Variants in SYNE1 observed in about 807,000 individuals in gnomAD.
SYNE1 encodes the protein nesprin-1.
A neutral mutation model predicts 1,111.0 loss-of-function variants in SYNE1; 616 were observed. The observed-to-expected ratio is 0.55, with a 90% CI of 0.52 to 0.59. The LOEUF (loss-of-function observed/expected upper bound fraction) is 0.59, where lower values mean the gene tolerates loss of function less well. Among genes scored for constraint, SYNE1 ranks in the 20% least tolerant of loss-of-function variants. The probability of loss-of-function intolerance (pLI) is 0.00; values close to 1 mark genes in which losing one functional copy is unlikely to be tolerated. For missense variants in SYNE1, 10,006 were observed against 10,417.0 expected (o/e 0.96, Z 1.72); for synonymous variants, 3,855 against 3,825.8 (o/e 1.01, Z -0.28).
At chr6:152,599,868 C>A (rs2099591993) in intron 3 of SYNE1, among the ~76,000 whole-genome samples, 1 of 152,048 alleles carries the variant, frequency 6.6e-6, no homozygotes, top group Non-Finnish European at 1.5e-5. Context: ...TGCTACAAGT[C>A]AATAGATGAA....
chr6:152,446,219 T>A (rs1171927192), intron 29 of SYNE1, among the ~76,000 whole-genome samples: 1 of 151,758 alleles, frequency 6.6e-6, no homozygotes, highest in Non-Finnish European at 1.5e-5. Flanking sequence ...GTACACTAAC[T>A]TTTTAGAATG....
Position 152,347,283 on chromosome 6 carries a change from T to G in SYNE1, c.11902-48A>C, listed in dbSNP as rs1046569396. The G allele has an allele frequency of 2.5e-6, 4 of 1,600,104 alleles. No homozygotes were observed. In the African/African-American group the frequency reaches 5.3e-5, roughly 21 times the overall value. On this transcript the variant is annotated intron_variant, in intron 72 of 145. Transcript: ENST00000367255. ...GAGTTTTCAGAATTCTACTTTTAAG[T>G]AACTTATCCATCAAAGTTTAAGATA... is the stretch of plus-strand genomic sequence containing the variant.
chr6:152,318,628 G>C (rs191667140), intron 85 of SYNE1, among the ~76,000 whole-genome samples: 1 of 152,126 alleles, frequency 6.6e-6, no homozygotes, highest in African/African-American at 2.4e-5. Context: ...GTCCTTTGAC[G>C]CTCTTCTTTC....
In SYNE1 at chr6:152,430,292, T is replaced by C. The variant is rs2098417050; in HGVS notation, c.4690-82A>G. The C allele has an allele frequency of 3.3e-6, 4 of 1,200,720 alleles. No individual in the cohort carries two copies. In the Admixed American group the frequency reaches 7.9e-5, roughly 24 times the overall value. The allele number at this position is 1,200,720 out of a possible 1,614,324, so 74.4% of individuals were successfully genotyped here. ...AAAAAAAGTTACTGAGAAAATGGCATACCTACCTTTTATGGATAACTTTTA... is the reference window on the plus strand; with the variant it reads ...AAAAAAAGTTACTGAGAAAATGGCACACCTACCTTTTATGGATAACTTTTA... On this transcript the variant is annotated intron_variant, in intron 35 of 145. Coordinates refer to ENST00000367255, the MANE Select transcript of SYNE1 (RefSeq NM_182961.4).
Position 152,268,119 on chromosome 6 carries a change from A to C in SYNE1, c.18752T>G (p.Val6251Gly). The change falls in exon 100 of 146, where the codon GTA becomes GGA. Residue 6251 changes from valine to glycine, a missense_variant. By Grantham distance (109) the Val-to-Gly change is moderately radical. Coordinates refer to ENST00000367255, the MANE Select transcript of SYNE1 (RefSeq NM_182961.4). ...LAEQKSLLRS[V>G]ASRGEEILIQ... ...TAGAATCTCCTCTCCACGACTGGCT[A>C]CTGAGCGAAGGAGACTCTTCTGCTC... is the stretch of plus-strand genomic sequence containing the variant. 6.2e-7 allele frequency: 1 copy of C among 1,614,146 alleles called. No individual in the cohort carries two copies. Among genetic ancestry groups the C allele is most frequent in the Non-Finnish European group, 8.5e-7 (1 of 1,180,000 alleles).
chr6:152,226,824 C>T (rs948438259), intron 115 of SYNE1, among the ~76,000 whole-genome samples: 2 of 152,132 alleles, frequency 1.3e-5, no homozygotes, highest in African/African-American at 4.8e-5. Context: ...TCGGCTGAAC[C>T]TCAGACTGTG....
intron 3 of SYNE1, among the ~76,000 whole-genome samples, chr6:152,558,738 T>C (rs1259384672): frequency 6.6e-6 from 1 of 152,134 alleles, no homozygotes; most frequent in Non-Finnish European, 1.5e-5. Context: ...ATATGATTAA[T>C]AGTAGCAGAT....
chr6:152,417,944 T>G (rs1472590010), intron 40 of SYNE1, among the ~76,000 whole-genome samples: 3 of 152,198 alleles, frequency 2.0e-5, no homozygotes, highest in Admixed American at 6.5e-5. Flanking sequence ...TATGCAAGAC[T>G]TCTGTATAGG....
chr6:152,294,149 T>C (rs374356906), intron 93 of SYNE1, 22 bp from the exon 94 acceptor site: 50 of 1,611,722 alleles, frequency 3.1e-5, no homozygotes, highest in Middle Eastern at 1.9e-4. Context: ...AAGCACAGTA[T>C]TGAATTAAAC....
Position 152,213,053 on chromosome 6 carries a change from T to C in SYNE1, c.22494+559A>G, listed in dbSNP as rs186775884. 1.1e-4 allele frequency among the ~76,000 whole-genome samples: 16 copies of C among 152,302 alleles called. No individual in the cohort carries two copies. The East Asian group carries it at 2.3e-3, about 22-fold the overall frequency. On this transcript the variant is annotated intron_variant, in intron 123 of 145. Coordinates refer to ENST00000367255, the MANE Select transcript of SYNE1 (RefSeq NM_182961.4). Reference sequence around the variant, plus strand: ...TAAATAGCAACATAAGGATTAACAGTGGGCAAATTTATTAATTTACTTTGT... The same window carrying C: ...TAAATAGCAACATAAGGATTAACAGCGGGCAAATTTATTAATTTACTTTGT...
In SYNE1 at chr6:152,465,416, C is replaced by T. The variant is rs747150703; in HGVS notation, c.1774G>A (p.Ala592Thr). 18 of 1,613,508 alleles carry T rather than the reference C, an allele frequency of 1.1e-5. No individual in the cohort carries two copies. The highest frequency in any genetic ancestry group is 4.5e-5 in the East Asian group (2 of 44,862). ...NVMKFMNETTAQWRNLSVEVR... is the reference protein window; with the variant it reads ...NVMKFMNETTTQWRNLSVEVR... ...TCTACTGAGAGATTCCTCCACTGAG[C>T]GGTGGTTTCATTCATGAATTTCATC... Residue 592 changes from alanine (A) to threonine (T), a missense_variant, in exon 18 of 146, where the codon GCT (alanine) becomes ACT (threonine). Transcript: ENST00000367255.
At chr6:152,270,119 C>A (rs565395437) in intron 98 of SYNE1, among the ~76,000 whole-genome samples, 3 of 152,098 alleles carry the variant, frequency 2.0e-5, no homozygotes, top group Non-Finnish European at 4.4e-5. Context: ...CCTACTAGGG[C>A]GATAGATTTA....
intron 22 of SYNE1, among the ~76,000 whole-genome samples, chr6:152,457,732 T>A (rs898552112): frequency 5.3e-5 from 8 of 152,018 alleles, no homozygotes; most frequent in Admixed American, 3.9e-4. Flanking sequence ...TATCAAATTA[T>A]CTGTCTATCT....
intron 75 of SYNE1, among the ~76,000 whole-genome samples, 171 bp from the exon 76 acceptor site, chr6:152,337,188 C>T (rs2096411639): frequency 6.6e-6 from 1 of 152,026 alleles, no homozygotes; most frequent in African/African-American, 2.4e-5. Flanking sequence ...TTATTTGCTT[C>T]AGGAAAAGCA....
chr6:152,332,988 G>GC (rs1161177270), intron 77 of SYNE1, among the ~76,000 whole-genome samples: 1 of 53,370 alleles, frequency 1.9e-5, no homozygotes, highest in African/African-American at 1.8e-4. Flanking sequence ...CCAAAGACGA[G>GC]TAAATGTTAA....
In SYNE1 at chr6:152,449,632, C is replaced by CTGTT; in HGVS notation, c.3404_3405insAACA (p.Phe1136ThrfsTer10). On this transcript the variant is annotated frameshift_variant, in exon 28 of 146. Coordinates refer to ENST00000367255, the MANE Select transcript of SYNE1 (RefSeq NM_182961.4). LOFTEE classifies it high-confidence loss of function. ...CATTTGTAGATATCCAAGATGAGAA[C>CTGTT]TCAGAGAATCTGAAATAACATAAGC... The CTGTT allele has an allele frequency of 6.2e-7, 1 of 1,611,556 alleles. No homozygotes were observed. Among genetic ancestry groups the CTGTT allele is most frequent in the Non-Finnish European group, 8.5e-7 (1 of 1,177,686 alleles).
intron 95 of SYNE1, among the ~76,000 whole-genome samples, chr6:152,289,090 T>C (rs1270063696): frequency 6.6e-6 from 1 of 152,200 alleles, no homozygotes; most frequent in Admixed American, 6.5e-5. Context: ...TGGTTAATTT[T>C]ATGCTATGTG....
In SYNE1 at chr6:152,136,726, G is replaced by A. The variant is rs1476316625; in HGVS notation, c.25551C>T (p.Ser8517=). 1.2e-6 allele frequency: 2 copies of A among 1,614,118 alleles called. No individual in the cohort carries two copies. Among genetic ancestry groups the A allele is most frequent in the Non-Finnish European group, 8.5e-7 (1 of 1,180,054 alleles). ...GCGACAAGCGATCCTGCAGGTCCCG[G>A]CTCTCCTTGCTGTCAGCCTGGGTGA... is the stretch of plus-strand genomic sequence containing the variant. ...PEFTQADSKE[S]RDLQDRLSQM... Residue 8517 remains serine, a synonymous_variant, in exon 141 of 146, where the codon AGC becomes AGT. Transcript: ENST00000367255.
In SYNE1 at chr6:152,463,354, T is replaced by A. The variant is rs1221442465; in HGVS notation, c.2096A>T (p.Gln699Leu). The change falls in exon 19 of 146, where the codon CAA becomes CTA. Residue 699 changes from glutamine (Q) to leucine (L), a missense_variant and splice_region_variant. Transcript: ENST00000367255. ...RWRELFMEVK[Q>L]YAQADEMDRM... is the part of the protein sequence containing the mutation. ...TGTATATAGACTTGAAAGACATACT[T>A]GCTTGACTTCCATAAACAACTCCCT... is the stretch of plus-strand genomic sequence containing the variant. 1 of 1,613,708 alleles carries A rather than the reference T, an allele frequency of 6.2e-7. No individual in the cohort carries two copies. Among genetic ancestry groups the A allele is most frequent in the South Asian group, 1.1e-5 (1 of 91,074 alleles).
Sources: allele counts gnomAD v4.1 joint callset (sites outside exome capture counted in the v4.1 genomes callset), GRCh38; gene constraint gnomAD v4.1.1; transcripts MANE v1.5; gene names NCBI Gene and HGNC (gene_info 2026-07-23, HGNC 2026-07-21).